The following NCAM1 variants were observed in gnomAD, a reference collection of about 807,000 sequenced individuals.
NCAM1 encodes neural cell adhesion molecule 1, also known as antigen recognized by monoclonal antibody 5.1H11.
Under a neutral mutation model 109.8 loss-of-function variants are expected in NCAM1, and 14 were observed. The observed-to-expected ratio is 0.13, with a 90% confidence interval of 0.08 to 0.20. The LOEUF is 0.20. Ranked by LOEUF, NCAM1 falls within the 10% of genes least tolerant of loss-of-function variation. The pLI, the probability that NCAM1 is intolerant of heterozygous loss-of-function variation, is 1.00. For synonymous variants in NCAM1, 418 were observed against 442.9 expected (o/e 0.94, Z 0.70); for missense variants, 774 against 1,109.9 (o/e 0.70, Z 4.30).
rs555390253 is a variant in NCAM1, at chr11:113,192,033, C to T, written c.53-10346C>T. Among the ~76,000 whole-genome samples, 4 of 152,324 alleles carry T rather than the reference C, an allele frequency of 2.6e-5. No homozygotes were observed. In the East Asian group the frequency reaches 7.7e-4, roughly 29 times the overall value. On this transcript the variant is annotated intron_variant, in intron 1 of 19. Transcript: ENST00000316851. ...TAAAGAATAAAACATCTGCAAACAA[C>T]AGCTGGACAAATATTGAAAGATATA...
At chr11:113,235,362 T>C in intron 14 of NCAM1, 198 bp downstream of exon 14, 2 of 1,199,462 alleles carry the variant, frequency 1.7e-6, no homozygotes, top group Non-Finnish European at 2.4e-6. Context: ...TCTCTCTTTC[T>C]CCAAGGGGTT....
At chr11:113,203,428 C>A (rs1213075564) in intron 2 of NCAM1, among the ~76,000 whole-genome samples, 1 of 152,270 alleles carries the variant, frequency 6.6e-6, no homozygotes, top group Non-Finnish European at 1.5e-5. Flanking sequence ...TACTAAGCAT[C>A]TGTGCAGGGC....
chr11:112,990,171 A>T (rs7121047), intron 1 of NCAM1, among the ~76,000 whole-genome samples: 69,693 of 151,976 alleles, frequency 0.46, 16,818 homozygotes, highest in East Asian at 0.8. Flanking sequence ...GATGAAGGTC[A>T]GCTTTACAGT....
intron 1 of NCAM1, among the ~76,000 whole-genome samples, chr11:113,064,522 T>A (rs188531037): frequency 1.3e-5 from 2 of 152,244 alleles, no homozygotes; most frequent in Admixed American, 1.3e-4. Flanking sequence ...ATATTTTTTT[T>A]ATTATTTATT....
At chr11:113,167,595 A>T (rs550475723) in intron 1 of NCAM1, among the ~76,000 whole-genome samples, 2 of 151,442 alleles carry the variant, frequency 1.3e-5, no homozygotes, top group Non-Finnish European at 1.5e-5. Flanking sequence ...TCACTCAAAA[A>T]CTTCAATTCC....
intron 1 of NCAM1, among the ~76,000 whole-genome samples, chr11:113,029,155 G>T (rs1189769820): frequency 6.6e-6 from 1 of 152,118 alleles, no homozygotes; most frequent in Non-Finnish European, 1.5e-5. Context: ...TAATATCCTA[G>T]GTGACCGTAA....
chr11:113,207,148 C>T (rs184079780), intron 5 of NCAM1, 113 bp from the exon 6 acceptor site: 23 of 729,210 alleles, frequency 3.2e-5, no homozygotes, highest in African/African-American at 1.4e-4. Context: ...TAGCTGCACA[C>T]GACGTTTGTC....
chr11:113,202,337 T>C, intron 1 of NCAM1, 42 bp from the exon 2 acceptor site: 1 of 1,429,782 alleles, frequency 7.0e-7, no homozygotes, highest in Middle Eastern at 1.8e-4. Flanking sequence ...TGTGGGTTTT[T>C]TTTTGTTTTT....
At chr11:113,139,431 C>A (rs1331390021) in intron 1 of NCAM1, among the ~76,000 whole-genome samples, 1 of 151,002 alleles carries the variant, frequency 6.6e-6, no homozygotes, top group Non-Finnish European at 1.5e-5. Context: ...TTTTTTTTAA[C>A]AAAATCTAAT....
At chr11:113,202,638 T>G (rs1836796) in intron 2 of NCAM1, among the ~76,000 whole-genome samples, 185 bp downstream of exon 2, 97,660 of 152,068 alleles carry the variant, frequency 0.64, 33,710 homozygotes, top group African/African-American at 0.91. Context: ...TTTGCAAAAA[T>G]CTGCCTCAAC....
intron 9 of NCAM1, among the ~76,000 whole-genome samples, chr11:113,222,183 G>T (rs966064439): frequency 9.9e-5 from 15 of 152,108 alleles, no homozygotes; most frequent in African/African-American, 3.6e-4. Context: ...TTTTAAAGTT[G>T]CCTTTGCCTT....
chr11:113,060,394 G>T lies in NCAM1; in HGVS notation c.52+98730G>T, dbSNP rs190209811. Among the ~76,000 whole-genome samples, 11 of 152,234 alleles carry T rather than the reference G, an allele frequency of 7.2e-5. No individual in the cohort carries two copies. The East Asian group carries it at 1.5e-3, about 21-fold the overall frequency. On this transcript the variant is annotated intron_variant, in intron 1 of 19. Coordinates refer to ENST00000316851, the MANE Select transcript of NCAM1 (RefSeq NM_181351.5). ...TCTTCACTTAAAAGTCCTAATTCAGGACATAACTTGGACCCTTTAATCAAC... is the reference window on the plus strand; with the variant it reads ...TCTTCACTTAAAAGTCCTAATTCAGTACATAACTTGGACCCTTTAATCAAC...
intron 1 of NCAM1, among the ~76,000 whole-genome samples, chr11:112,979,353 C>G (rs1485604366): frequency 1.3e-5 from 2 of 151,678 alleles, no homozygotes; most frequent in African/African-American, 2.4e-5. Context: ...ATAGACATGT[C>G]AAAAGACAAA....
At position 113,078,509 on chromosome 11, in the gene NCAM1, G is replaced by T. The variant is rs188535092; in HGVS notation, c.52+116845G>T. On this transcript the variant is annotated intron_variant, in intron 1 of 19. Coordinates refer to ENST00000316851, the MANE Select transcript of NCAM1 (RefSeq NM_181351.5). Reference sequence around the variant, plus strand: ...CTTGCCAAGGCCTAAGGCTGAGTAGGGTATAGTAACTATAGAAAGCTTTGG... The same window carrying T: ...CTTGCCAAGGCCTAAGGCTGAGTAGTGTATAGTAACTATAGAAAGCTTTGG... Among the ~76,000 whole-genome samples the T allele has an allele frequency of 4.3e-3, 647 of 152,134 alleles. 3 individuals are homozygous for T. Among genetic ancestry groups the T allele is most frequent in the African/African-American group, 0.013 (548 of 41,502 alleles).
intron 9 of NCAM1, among the ~76,000 whole-genome samples, chr11:113,227,667 G>C (rs903036340): frequency 7.2e-5 from 11 of 152,116 alleles, no homozygotes; most frequent in African/African-American, 2.7e-4. Context: ...GATGAACATC[G>C]ATGCAAAAAT....
intron 15 of NCAM1, among the ~76,000 whole-genome samples, chr11:113,251,540 C>T (rs1945677621): frequency 6.6e-6 from 1 of 152,170 alleles, no homozygotes; most frequent in South Asian, 2.1e-4. Context: ...CTAGAAAATA[C>T]CAGAACTGCA....
intron 1 of NCAM1, among the ~76,000 whole-genome samples, chr11:113,158,428 C>T (rs1389782500): frequency 6.6e-6 from 1 of 152,094 alleles, no homozygotes; most frequent in Non-Finnish European, 1.5e-5. Flanking sequence ...ATGTTTTTCC[C>T]CTGGAGACTA....
intron 1 of NCAM1, among the ~76,000 whole-genome samples, chr11:113,038,441 G>A (rs782626247): frequency 2.0e-5 from 3 of 152,144 alleles, no homozygotes; most frequent in Non-Finnish European, 4.4e-5. Context: ...TCTTTAGTCC[G>A]GACTTGACTT....
chr11:113,224,242 C>T (rs1555115809), intron 9 of NCAM1, among the ~76,000 whole-genome samples: 1 of 152,238 alleles, frequency 6.6e-6, no homozygotes, highest in East Asian at 1.9e-4. Flanking sequence ...CCTAATACTA[C>T]ACTTTTCCGA....
Sources: allele counts gnomAD v4.1 joint callset (sites outside exome capture counted in the v4.1 genomes callset), GRCh38; gene constraint gnomAD v4.1.1; transcripts MANE v1.5; gene names NCBI Gene and HGNC (gene_info 2026-07-23, HGNC 2026-07-21).